GPR149: variants seen among roughly 807,000 people sequenced by gnomAD.
GPR149 encodes the protein G protein-coupled receptor 149.
In GPR149, 50 loss-of-function variants were observed where a neutral mutation model predicts 50.2. The ratio of observed to expected loss-of-function variants is 1.00; its 90% CI spans 0.79 to 1.26. The LOEUF (loss-of-function observed/expected upper bound fraction) is 1.26. GPR149 is among the 50% of genes most tolerant of loss of function. GPR149 has a pLI of 0.00. For synonymous variants in GPR149, 405 were observed against 358.2 expected (o/e 1.13, Z -1.48); for missense variants, 983 against 895.4 (o/e 1.10, Z -1.25).
intron 3 of GPR149, among the ~76,000 whole-genome samples, chr3:154,386,100 A>C (rs1405849194): frequency 6.6e-6 from 1 of 152,224 alleles, no homozygotes; most frequent in East Asian, 1.9e-4. Flanking sequence ...ATGAATAAAA[A>C]TATCTAATAT....
rs146923193 is a variant in GPR149, at chr3:154,349,681, T to C, written c.1624-11410A>G. ...ATAGTTAAGTAAGGATTAATATAAA[T>C]TCTGCACAATCTCTTACAGAAAATA... On this transcript the variant is annotated intron_variant, in intron 3 of 3. Coordinates refer to ENST00000389740, the MANE Select transcript of GPR149 (RefSeq NM_001038705.3). Among the ~76,000 whole-genome samples, 69 of 152,328 alleles carry C rather than the reference T, an allele frequency of 4.5e-4. 7 individuals carry two copies. The East Asian group carries it at 5.2e-3, about 11-fold the overall frequency.
chr3:154,406,807 G>T (rs935910400), intron 3 of GPR149, among the ~76,000 whole-genome samples: 1 of 152,132 alleles, frequency 6.6e-6, no homozygotes, highest in African/African-American at 2.4e-5. Context: ...AATCAGGGAA[G>T]AAAAATGAAT....
At chr3:154,352,581 A>G (rs565843483) in intron 3 of GPR149, 7 of 776,440 alleles carry the variant, frequency 9.0e-6, no homozygotes, top group African/African-American at 6.8e-5. Context: ...TTCCAGAGTC[A>G]TGGTCATCAG....
At chr3:154,404,028 T>C (rs1345550739) in intron 3 of GPR149, among the ~76,000 whole-genome samples, 1 of 152,238 alleles carries the variant, frequency 6.6e-6, no homozygotes, top group African/African-American at 2.4e-5. Flanking sequence ...TATTGGACAG[T>C]GCAATTCTAG....
intron 3 of GPR149, among the ~76,000 whole-genome samples, chr3:154,418,562 A>C (rs1712051368): frequency 1.0e-5 from 1 of 97,176 alleles, no homozygotes; most frequent in Non-Finnish European, 2.1e-5. Context: ...AACTATCTCA[A>C]GAACAAAAAA....
chr3:154,406,722 G>A (rs1362017740), intron 3 of GPR149, among the ~76,000 whole-genome samples: 3 of 152,162 alleles, frequency 2.0e-5, no homozygotes, highest in Non-Finnish European at 2.9e-5. Flanking sequence ...ATACAGGAAC[G>A]TTAAACCATA....
intron 3 of GPR149, chr3:154,353,950 C>T: frequency 2.0e-6 from 1 of 496,686 alleles, no homozygotes; most frequent in East Asian, 4.5e-5. Context: ...ATGTTAAGGT[C>T]TCCTCTAGTT....
intron 3 of GPR149, among the ~76,000 whole-genome samples, chr3:154,349,255 T>A (rs906402708): frequency 2.0e-5 from 3 of 151,794 alleles, no homozygotes; most frequent in Non-Finnish European, 2.9e-5. Flanking sequence ...GGAAAATAGA[T>A]AAAAGCTGAT....
intron 3 of GPR149, among the ~76,000 whole-genome samples, chr3:154,390,987 A>C (rs1288509830): frequency 2.0e-5 from 3 of 152,230 alleles, no homozygotes; most frequent in Non-Finnish European, 1.5e-5. Flanking sequence ...AAAATAAAGG[A>C]GAGATAAAGA....
chr3:154,373,743 A>G lies in GPR149; in HGVS notation c.1624-35472T>C, dbSNP rs79317986. On this transcript the variant is annotated intron_variant, in intron 3 of 3. Coordinates refer to ENST00000389740, the MANE Select transcript of GPR149 (RefSeq NM_001038705.3). Reference sequence around the variant, plus strand: ...TTGCATCTAGAATTCTCTGTCTTCTACTCCTCTCAGGACTCCTTTATTCAG... The same window carrying G: ...TTGCATCTAGAATTCTCTGTCTTCTGCTCCTCTCAGGACTCCTTTATTCAG... 4.4e-3 allele frequency among the ~76,000 whole-genome samples: 665 copies of G among 152,156 alleles called. 4 individuals carry two copies. The highest frequency in any genetic ancestry group is 0.015 in the African/African-American group (610 of 41,500).
intron 3 of GPR149, among the ~76,000 whole-genome samples, chr3:154,415,014 G>A (rs1430729534): frequency 6.6e-6 from 1 of 151,882 alleles, no homozygotes; most frequent in African/African-American, 2.4e-5. Context: ...TTACATTAGT[G>A]GAAACTGAAT....
At chr3:154,399,637 G>A (rs1325383648) in intron 3 of GPR149, among the ~76,000 whole-genome samples, 4 of 152,146 alleles carry the variant, frequency 2.6e-5, no homozygotes, top group African/African-American at 4.8e-5. Flanking sequence ...TTTCAGGCCT[G>A]TTAGCAACTT....
At chr3:154,420,792 C>A (rs1413184354) in intron 3 of GPR149, among the ~76,000 whole-genome samples, 1 of 151,806 alleles carries the variant, frequency 6.6e-6, no homozygotes, top group East Asian at 1.9e-4. Flanking sequence ...AAAGAATTCC[C>A]TACCCTTCTT....
At chr3:154,422,581 CCG>C (rs1712178341) in intron 2 of GPR149, among the ~76,000 whole-genome samples, 1 of 151,378 alleles carries the variant, frequency 6.6e-6, no homozygotes. Context: ...TGCAATATAC[CCG>C]AGTGTCATTC....
chr3:154,353,450 C>T (rs918351249), intron 3 of GPR149: 146 of 965,426 alleles, frequency 1.5e-4, no homozygotes, highest in Admixed American at 6.9e-5. Context: ...CTAAATCTAA[C>T]GTTTGATCCA....
At chr3:154,396,876 A>C (rs1715304842) in intron 3 of GPR149, among the ~76,000 whole-genome samples, 1 of 151,174 alleles carries the variant, frequency 6.6e-6, no homozygotes, top group African/African-American at 2.4e-5. Flanking sequence ...ATTTTAAAGA[A>C]AGGGTTTTTA....
intron 2 of GPR149, among the ~76,000 whole-genome samples, chr3:154,424,551 T>A (rs181642497): frequency 6.6e-6 from 1 of 152,046 alleles, no homozygotes; most frequent in Non-Finnish European, 1.5e-5. Flanking sequence ...TGAGATTTTT[T>A]AAAAACTGTT....
intron 3 of GPR149, among the ~76,000 whole-genome samples, chr3:154,372,121 G>T (rs560750008): frequency 7.4e-6 from 1 of 135,144 alleles, no homozygotes; most frequent in Non-Finnish European, 1.6e-5. Flanking sequence ...AGCAGTTGGG[G>T]TGTCCTGTCT....
intron 3 of GPR149, among the ~76,000 whole-genome samples, chr3:154,404,867 T>G (rs1194133473): frequency 7.6e-5 from 5 of 65,994 alleles, no homozygotes; most frequent in African/African-American, 2.0e-4. Context: ...ATCATCATCA[T>G]CATCATCAGC....
Sources: allele counts gnomAD v4.1 joint callset (sites outside exome capture counted in the v4.1 genomes callset), GRCh38; gene constraint gnomAD v4.1.1; transcripts MANE v1.5; gene names NCBI Gene and HGNC (gene_info 2026-07-23, HGNC 2026-07-21).